Variants in AXIN1 observed in about 807,000 individuals in gnomAD.
AXIN1 encodes axin-1.
AXIN1 carries 30 observed loss-of-function variants against 76.4 expected under a neutral mutation model. The ratio of observed to expected loss-of-function variants is 0.39; its 90% CI spans 0.29 to 0.53. AXIN1 has a LOEUF of 0.53. Among genes scored for constraint, AXIN1 ranks in the 20% least tolerant of loss-of-function variants. AXIN1 has a pLI of 0.66. For missense variants in AXIN1, 1,140 were observed against 1,198.8 expected (o/e 0.95, Z 0.72); for synonymous variants, 545 against 501.4 (o/e 1.09, Z -1.16).
At chr16:342,680 C>T (rs944811848) in intron 2 of AXIN1, among the ~76,000 whole-genome samples, 8 of 152,254 alleles carry the variant, frequency 5.3e-5, no homozygotes, top group African/African-American at 1.9e-4. Context: ...CAGCGGCACA[C>T]GTGCCCTCCT....
At chr16:305,390 G>T (rs1182122853) in intron 4 of AXIN1, among the ~76,000 whole-genome samples, 1 of 152,090 alleles carries the variant, frequency 6.6e-6, no homozygotes, top group Admixed American at 6.5e-5. Context: ...GGATCGGATC[G>T]CATAAGTCCT....
At chr16:343,977 C>T (rs1310511062) in intron 2 of AXIN1, among the ~76,000 whole-genome samples, 2 of 148,980 alleles carry the variant, frequency 1.3e-5, no homozygotes, top group African/African-American at 5.0e-5. Context: ...TACTGCACTC[C>T]AGCCTGTGTG....
chr16:307,244 C>T (rs1372607707), intron 4 of AXIN1, among the ~76,000 whole-genome samples: 6 of 152,154 alleles, frequency 3.9e-5, no homozygotes, highest in Non-Finnish European at 7.3e-5. Flanking sequence ...GCACTCATGC[C>T]GCCACGCGAG....
Position 344,018 on chromosome 16 carries a change from A to AAG in AXIN1, c.878+2129_878+2130insCT, listed in dbSNP as rs1555487323. On this transcript the variant is annotated intron_variant, in intron 2 of 10. Coordinates refer to ENST00000262320, the MANE Select transcript of AXIN1 (RefSeq NM_003502.4). Reference sequence around the variant, plus strand: ...GCGAGACTCCATTTCAAAAAAAAAAAAAAGAAAGAAAGAAAGAAACTCTCA... The same window carrying AAG: ...GCGAGACTCCATTTCAAAAAAAAAAAAGAAAGAAAGAAAGAAAGAAACTCTCA... Among the ~76,000 whole-genome samples the AAG allele has an allele frequency of 3.0e-3, 448 of 151,472 alleles. 3 individuals are homozygous for AAG. The highest frequency in any genetic ancestry group is 9.4e-3 in the African/African-American group (386 of 41,034).
chr16:317,808 T>C (rs2053337679), intron 2 of AXIN1, among the ~76,000 whole-genome samples: 1 of 152,230 alleles, frequency 6.6e-6, no homozygotes, highest in Non-Finnish European at 1.5e-5. Context: ...ACTGATATTA[T>C]CACTGTAACA....
At chr16:329,607 G>A (rs944540975) in intron 2 of AXIN1, among the ~76,000 whole-genome samples, 2 of 151,622 alleles carry the variant, frequency 1.3e-5, no homozygotes, top group African/African-American at 2.4e-5. Context: ...CACCATGCCC[G>A]GCTAATTTTT....
chr16:335,071 G>T (rs558496477), intron 2 of AXIN1, among the ~76,000 whole-genome samples: 1 of 152,258 alleles, frequency 6.6e-6, no homozygotes, highest in East Asian at 1.9e-4. Context: ...ATGCACAGCA[G>T]TAAGTGGACA....
At chr16:347,858 A>AGAG (rs2141714049) in intron 1 of AXIN1, among the ~76,000 whole-genome samples, 1 of 152,378 alleles carries the variant, frequency 6.6e-6, no homozygotes, top group South Asian at 2.1e-4. Flanking sequence ...ATGCTCTGTC[A>AGAG]GAATGCTGCA....
intron 5 of AXIN1, 59 bp from the exon 6 acceptor site, chr16:298,310 C>CAAAAAGCATTT: frequency 6.5e-7 from 1 of 1,535,340 alleles, no homozygotes; most frequent in South Asian, 1.2e-5. Context: ...TTGGGGAAAA[C>CAAAAAGCATTT]AAAAAGCATC....
Position 293,776 on chromosome 16 carries a change from G to T in AXIN1, c.1956-58C>A, listed in dbSNP as rs2052634345. Reference sequence around the variant, plus strand: ...GCCGACACCCTGGCCAGGTGGCCTGGTGGGGCTACACTCATCTCACAAGGG... The same window carrying T: ...GCCGACACCCTGGCCAGGTGGCCTGTTGGGGCTACACTCATCTCACAAGGG... On this transcript the variant is annotated intron_variant, in intron 7 of 10. Coordinates refer to ENST00000262320, the MANE Select transcript of AXIN1 (RefSeq NM_003502.4). This position sits in a 1 kb window ranked among gnomAD's most constrained non-coding sequence, Gnocchi z 4.6. 1 of 1,547,148 alleles carries T rather than the reference G, an allele frequency of 6.5e-7. No homozygotes were observed. Among genetic ancestry groups the T allele is most frequent in the African/African-American group, 1.4e-5 (1 of 73,640 alleles).
At chr16:324,901 G>C (rs1003561865) in intron 2 of AXIN1, among the ~76,000 whole-genome samples, 1 of 152,230 alleles carries the variant, frequency 6.6e-6, no homozygotes, top group African/African-American at 2.4e-5. Flanking sequence ...AGGCAGCAGC[G>C]CCCGGTGCAC....
At chr16:329,091 G>A (rs979785684) in intron 2 of AXIN1, among the ~76,000 whole-genome samples, 2 of 151,844 alleles carry the variant, frequency 1.3e-5, no homozygotes, top group Admixed American at 6.6e-5. Flanking sequence ...CAGCCTGACC[G>A]ACATGGTGAA....
chr16:307,398 G>C (rs950322775), intron 4 of AXIN1, among the ~76,000 whole-genome samples: 5 of 152,202 alleles, frequency 3.3e-5, no homozygotes, highest in African/African-American at 1.2e-4. Flanking sequence ...AAAGGAAAAA[G>C]CCAAGTAAAT....
chr16:291,071 C>T lies in AXIN1; in HGVS notation c.2294+119G>A, dbSNP rs1373101682. The T allele has an allele frequency of 4.3e-6, 4 of 934,486 alleles. No homozygotes were observed. The East Asian group carries it at 7.9e-5, about 18-fold the overall frequency. The allele number at this position is 934,486 out of a possible 1,614,324, so 57.9% of individuals were successfully genotyped here. A position where few individuals can be genotyped will look rare whatever the true frequency, so the allele number is the denominator to read the frequency against. The stretch of plus-strand genomic sequence containing the variant: ...GCCACGGGACCCTCTCCTGCCACAG[C>T]TGCTTCTGAGCGTGGTACCCGAGCT... On this transcript the variant is annotated intron_variant, in intron 9 of 10. Coordinates refer to ENST00000262320, the MANE Select transcript of AXIN1 (RefSeq NM_003502.4).
intron 4 of AXIN1, among the ~76,000 whole-genome samples, chr16:307,546 C>T (rs565167988): frequency 1.2e-4 from 19 of 152,298 alleles, no homozygotes; most frequent in Admixed American, 6.5e-4. Flanking sequence ...TTGTAGAAGA[C>T]AATTTTTCCA....
intron 4 of AXIN1, among the ~76,000 whole-genome samples, chr16:306,168 TAC>T (rs1300341692): frequency 6.6e-6 from 1 of 151,808 alleles, no homozygotes; most frequent in South Asian, 2.1e-4. Context: ...CACACACACG[TAC>T]ACACACACGC....
In AXIN1 at chr16:287,738, G is replaced by T; in HGVS notation, c.*384C>A. ...AGGCCCTGCAGGCCTCTGCATCCGGGCCTGGGCCCCACCCAGACCTGGGTA... is the reference window on the plus strand; with the variant it reads ...AGGCCCTGCAGGCCTCTGCATCCGGTCCTGGGCCCCACCCAGACCTGGGTA... On this transcript the variant is annotated 3_prime_UTR_variant, in exon 11 of 11. Transcript: ENST00000262320. 2.4e-6 allele frequency: 1 copy of T among 408,300 alleles called. No homozygotes were observed. Among genetic ancestry groups the T allele is most frequent in the South Asian group, 2.6e-5 (1 of 38,598 alleles). 25.3% of individuals were successfully genotyped at this position (408,300 alleles called of 1,614,324 possible). A position where few individuals can be genotyped will look rare whatever the true frequency, so the allele number is the denominator to read the frequency against.
intron 2 of AXIN1, among the ~76,000 whole-genome samples, chr16:326,394 T>C (rs112943300): frequency 0.014 from 1,646 of 119,662 alleles, 72 homozygotes; most frequent in African/African-American, 0.053. Flanking sequence ...TATATATATA[T>C]ACACACCTAT....
At chr16:310,794 G>A (rs1399996743) in intron 3 of AXIN1, among the ~76,000 whole-genome samples, 2 of 152,254 alleles carry the variant, frequency 1.3e-5, no homozygotes, top group African/African-American at 2.4e-5. Context: ...AGCCCTGCAC[G>A]GGAAACGTTT....
Sources: allele counts gnomAD v4.1 joint callset (sites outside exome capture counted in the v4.1 genomes callset), GRCh38; gene constraint gnomAD v4.1.1; non-coding constraint Gnocchi (gnomAD v3.1); transcripts MANE v1.5; gene names NCBI Gene and HGNC (gene_info 2026-07-23, HGNC 2026-07-21).